The following PLA2G4E variants were observed in gnomAD, a reference collection of about 807,000 sequenced individuals.
The protein encoded by PLA2G4E is cytosolic phospholipase A2 epsilon.
A neutral mutation model predicts 109.1 loss-of-function variants in PLA2G4E; 84 were observed. The observed-to-expected ratio is 0.77, with a 90% CI of 0.65 to 0.92. The LOEUF (loss-of-function observed/expected upper bound fraction) is 0.92, where lower values mean the gene tolerates loss of function less well. PLA2G4E is among the 40% of genes least tolerant of loss of function. The probability of loss-of-function intolerance (pLI) is 0.00; values close to 1 mark genes in which losing one functional copy is unlikely to be tolerated. For missense variants in PLA2G4E, 1,057 were observed against 1,076.6 expected, an observed-to-expected ratio of 0.98 and a Z score of 0.25; for synonymous variants, 469 against 436.1, an observed-to-expected ratio of 1.08 and a Z score of -0.94.
At chr15:42,015,154 C>G (rs112465615) in intron 1 of PLA2G4E, among the ~76,000 whole-genome samples, 11 of 152,164 alleles carry the variant, frequency 7.2e-5, no homozygotes, top group African/African-American at 2.7e-4. Flanking sequence ...ACGTCCCTCC[C>G]GAGCTGCCCC....
chr15:42,000,091 A>G lies in PLA2G4E; in HGVS notation c.852+13T>C. On this transcript the variant is annotated intron_variant, in intron 8 of 19. Transcript: ENST00000399518. The stretch of plus-strand genomic sequence containing the variant: ...AGTCCCCCACACCTCCCCCAGTGTC[A>G]GCCGCCTTGTACCCCACAGCTCCAG... 6.3e-7 allele frequency: 1 copy of G among 1,578,688 alleles called. No individual in the cohort carries two copies. The highest frequency in any genetic ancestry group is 8.6e-7 in the Non-Finnish European group (1 of 1,162,086).
chr15:42,025,477 C>T (rs142900087), intron 1 of PLA2G4E, among the ~76,000 whole-genome samples: 288 of 152,244 alleles, frequency 1.9e-3, no homozygotes, highest in Admixed American at 4.2e-3. Context: ...CCTGTAGCTG[C>T]AGGCATACCT....
intron 1 of PLA2G4E, among the ~76,000 whole-genome samples, chr15:42,048,180 C>T (rs1281245940): frequency 1.3e-5 from 2 of 152,198 alleles, no homozygotes; most frequent in Non-Finnish European, 2.9e-5. Flanking sequence ...GTGTTCAGTA[C>T]AGTAACAGGC....
intron 1 of PLA2G4E, among the ~76,000 whole-genome samples, chr15:42,033,902 A>G (rs1422921190): frequency 6.6e-6 from 1 of 151,968 alleles, no homozygotes; most frequent in Non-Finnish European, 1.5e-5. Flanking sequence ...ATGACACTTC[A>G]CCTCTCTCAA....
At chr15:42,011,991 G>T (rs1530835) in intron 2 of PLA2G4E, among the ~76,000 whole-genome samples, 13,327 of 152,190 alleles carry the variant, frequency 0.088, 1,200 homozygotes, top group African/African-American at 0.21. Context: ...TTGAGGAAAA[G>T]TCCCTGGCCC....
chr15:41,985,590 C>A (rs2068127083), intron 18 of PLA2G4E, among the ~76,000 whole-genome samples: 1 of 152,234 alleles, frequency 6.6e-6, no homozygotes, highest in Admixed American at 6.5e-5. Context: ...ATGGCAAATG[C>A]TCCAAGGCAA....
exon 20 of PLA2G4E, chr15:41,983,452 C>G (rs914726148): frequency 6.9e-5 from 24 of 347,792 alleles, no homozygotes; most frequent in African/African-American, 4.3e-4. Context: ...GGCCCAGCCT[C>G]TTCCCCAGGC....
chr15:41,983,563 G>A, exon 20 of PLA2G4E: 4 of 602,988 alleles, frequency 6.6e-6, no homozygotes, highest in Middle Eastern at 4.4e-4. Context: ...CCCCAACAGA[G>A]CTCCTCTCTC....
At chr15:42,019,056 C>A (rs559939532) in intron 1 of PLA2G4E, among the ~76,000 whole-genome samples, 3 of 152,288 alleles carry the variant, frequency 2.0e-5, no homozygotes, top group African/African-American at 7.2e-5. Context: ...AGGGGAAGGC[C>A]GCGTTTAGAG....
chr15:41,992,178 C>G (rs563029541), intron 13 of PLA2G4E, among the ~76,000 whole-genome samples: 2 of 152,286 alleles, frequency 1.3e-5, no homozygotes, highest in South Asian at 4.1e-4. Context: ...ACTGAGGACC[C>G]CAGCTGCTGT....
intron 1 of PLA2G4E, among the ~76,000 whole-genome samples, chr15:42,033,490 A>C (rs1889151066): frequency 6.9e-6 from 1 of 145,662 alleles, no homozygotes; most frequent in African/African-American, 2.5e-5. Context: ...CAGCCTCTGC[A>C]CTCTGTCTGG....
At chr15:42,036,479 G>A (rs1889217907) in intron 1 of PLA2G4E, among the ~76,000 whole-genome samples, 2 of 152,134 alleles carry the variant, frequency 1.3e-5, no homozygotes, top group South Asian at 4.1e-4. Context: ...TGCTGCCATC[G>A]CCGAGGATGC....
intron 1 of PLA2G4E, among the ~76,000 whole-genome samples, 55 bp downstream of exon 1, chr15:42,020,880 C>T (rs1391829463): frequency 6.6e-6 from 1 of 152,078 alleles, no homozygotes; most frequent in Non-Finnish European, 1.5e-5. Context: ...ACTTCCTGGC[C>T]ATGCCTCCCT....
Position 41,989,544 on chromosome 15 carries a change from C to T in PLA2G4E, c.1594G>A (p.Glu532Lys), listed in dbSNP as rs564434008. 8.7e-6 allele frequency: 14 copies of T among 1,613,552 alleles called. No individual in the cohort carries two copies. In the African/African-American group the frequency reaches 9.3e-5, roughly 11 times the overall value. Residue 532 changes from glutamate (E) to lysine (K), a missense_variant, in exon 15 of 20, where the codon GAG becomes AAG. Coordinates refer to ENST00000399518, the Ensembl canonical transcript of PLA2G4E. ...AGGCCCACCTCGTAGGGGGAGAACT[C>T]GAACCACTCTGCACATGAAGCAGCA...
At position 42,011,548 on chromosome 15, in the gene PLA2G4E, C is replaced by T. The variant is rs1444594753; in HGVS notation, c.256+2137G>A. Among the ~76,000 whole-genome samples, 3 of 150,286 alleles carry T rather than the reference C, an allele frequency of 2.0e-5. No individual in the cohort carries two copies. The East Asian group carries it at 5.8e-4, about 29-fold the overall frequency. On this transcript the variant is annotated intron_variant, in intron 2 of 19. Transcript: ENST00000399518. ...ACCAGCTTGGGCAACATGGTGAAAC[C>T]CTGTCTCCACAAATAATTTTTTTTT...
intron 1 of PLA2G4E, among the ~76,000 whole-genome samples, chr15:42,018,137 G>T (rs2141062252): frequency 6.6e-6 from 1 of 152,362 alleles, no homozygotes; most frequent in South Asian, 2.1e-4. Context: ...TTCTTGGGTT[G>T]CAATGAATGT....
chr15:41,984,483 G>A (rs1195957166), exon 19 of PLA2G4E: 3 of 1,613,924 alleles, frequency 1.9e-6, no homozygotes, highest in Non-Finnish European at 2.5e-6. Flanking sequence ...TGGGAAGAAA[G>A]TCACGATGGG....
intron 6 of PLA2G4E, among the ~76,000 whole-genome samples, chr15:42,002,264 C>CAAAAAAAA (rs71108143): frequency 4.1e-5 from 3 of 73,216 alleles, no homozygotes; most frequent in African/African-American, 1.9e-4. Flanking sequence ...GACCTTGTCT[C>CAAAAAAAA]AAAAAAAAAA....
In PLA2G4E at chr15:41,992,966, AG is replaced by A; in HGVS notation, c.1248-8del. The A allele has an allele frequency of 6.2e-7, 1 of 1,605,870 alleles. No homozygotes were observed. The highest frequency in any genetic ancestry group is 8.5e-7 in the Non-Finnish European group (1 of 1,176,228). On this transcript the variant is annotated splice_region_variant and splice_polypyrimidine_tract_variant and intron_variant, in intron 12 of 19. Coordinates refer to ENST00000399518, the Ensembl canonical transcript of PLA2G4E. ...GTACAAGGTAGCCATGGTCCTGGAA[AG>A]AGACAGGCACAGCTGATAGGGCTGA...
Sources: gnomAD v4.1 joint callset for allele counts (sites outside exome capture counted in the v4.1 genomes callset) on GRCh38, gnomAD v4.1.1 for gene constraint, MANE v1.5 for transcripts, NCBI Gene and HGNC (gene_info 2026-07-23, HGNC 2026-07-21) for gene names.